Variants in AGFG1 observed in about 807,000 individuals in gnomAD.
AGFG1 encodes the protein arf-GAP domain and FG repeat-containing protein 1.
Under a neutral mutation model 60.6 loss-of-function variants are expected in AGFG1, and 10 were observed. The observed-to-expected ratio is 0.16, with a 90% CI of 0.10 to 0.28. AGFG1 has a LOEUF of 0.28. Ranked by LOEUF, AGFG1 falls within the 10% of genes least tolerant of loss-of-function variation. AGFG1 has a pLI of 1.00. For synonymous variants in AGFG1, 247 were observed against 242.9 expected (o/e 1.02, Z -0.16); for missense variants, 537 against 676.5 (o/e 0.79, Z 2.29).
intron 2 of AGFG1, among the ~76,000 whole-genome samples, chr2:227,510,534 AGGGGTG>A (rs1691465235): frequency 1.4e-5 from 2 of 146,692 alleles, no homozygotes; most frequent in African/African-American, 5.5e-5. Flanking sequence ...GTCTTGGTGG[AGGGGTG>A]AGTTGAGAGG....
At chr2:227,514,386 G>T (rs1691591407) in intron 2 of AGFG1, among the ~76,000 whole-genome samples, 1 of 151,804 alleles carries the variant, frequency 6.6e-6, no homozygotes, top group Non-Finnish European at 1.5e-5. Flanking sequence ...TTATTTTTTT[G>T]TGTGTGTTCT....
At position 227,472,428 on chromosome 2, in the gene AGFG1, GC is replaced by G; in HGVS notation, c.9del (p.Ser4AlafsTer11). On this transcript the variant is annotated frameshift_variant, in exon 1 of 13. Coordinates refer to ENST00000310078, the MANE Select transcript of AGFG1 (RefSeq NM_004504.5). LOFTEE classifies it high-confidence loss of function. MAASAKRKQEEKH... is the reference protein window; with the variant it reads MAXSAKRKQEEKH... ...CTCCCTTGGCGCCGCGGCCATGGCG[GC>G]CAGCGCGAAGCGGAAGCAGGAGGAG... The G allele has an allele frequency of 6.6e-7, 1 of 1,514,432 alleles. No homozygotes were observed. Among genetic ancestry groups the G allele is most frequent in the Non-Finnish European group, 8.9e-7 (1 of 1,129,722 alleles). 93.8% of individuals were successfully genotyped at this position (1,514,432 alleles called of 1,614,324 possible). A position where few individuals can be genotyped will look rare whatever the true frequency, so the allele number is the denominator to read the frequency against.
At chr2:227,537,743 A>C (rs1365396997) in intron 10 of AGFG1, among the ~76,000 whole-genome samples, 1 of 152,164 alleles carries the variant, frequency 6.6e-6, no homozygotes, top group Non-Finnish European at 1.5e-5. Context: ...TAGAGTTTGT[A>C]TGCTTTGTTT....
chr2:227,534,858 A>G lies in AGFG1; in HGVS notation c.1038A>G (p.Gly346=). 6.2e-7 allele frequency: 1 copy of G among 1,613,534 alleles called. No individual in the cohort carries two copies. The highest frequency in any genetic ancestry group is 1.3e-5 in the African/African-American group (1 of 75,000). ...GTTCGTTCCCAGGTGGTGATCAGGGAAGTGGCTTTGGGACCACAGGTAAAG... is the reference window on the plus strand; with the variant it reads ...GTTCGTTCCCAGGTGGTGATCAGGGGAGTGGCTTTGGGACCACAGGTAAAG... ...IFSAGQGGDQ[G]SGFGTTGKAP... is the part of the protein sequence containing the mutation. Residue 346 remains glycine (G), a synonymous_variant, in exon 8 of 13, where the codon GGA becomes GGG. Coordinates refer to ENST00000310078, the MANE Select transcript of AGFG1 (RefSeq NM_004504.5).
intron 2 of AGFG1, among the ~76,000 whole-genome samples, chr2:227,500,113 A>G (rs1187565355): frequency 2.6e-5 from 4 of 152,130 alleles, no homozygotes; most frequent in Admixed American, 1.3e-4. Context: ...TAAGAAGAAA[A>G]CAAACAGGCC....
chr2:227,476,509 A>G (rs969471505), intron 1 of AGFG1, among the ~76,000 whole-genome samples: 1 of 152,224 alleles, frequency 6.6e-6, no homozygotes, highest in Non-Finnish European at 1.5e-5. Context: ...TTTGAGAAAG[A>G]GGTTGCCACT....
intron 2 of AGFG1, among the ~76,000 whole-genome samples, chr2:227,494,543 G>A (rs1690919697): frequency 6.6e-6 from 1 of 152,308 alleles, no homozygotes; most frequent in South Asian, 2.1e-4. Flanking sequence ...ATCCCCACCA[G>A]GGAGTTTTAG....
At chr2:227,551,080 C>T (rs2106243548) in intron 10 of AGFG1, among the ~76,000 whole-genome samples, 1 of 152,260 alleles carries the variant, frequency 6.6e-6, no homozygotes, top group Non-Finnish European at 1.5e-5. Context: ...CAGTTGTTCA[C>T]ACACATTTCT....
intron 10 of AGFG1, among the ~76,000 whole-genome samples, chr2:227,539,451 C>A (rs13424689): frequency 0.6 from 78,208 of 130,520 alleles, 23,847 homozygotes; most frequent in South Asian, 0.7. Context: ...TCAAAAAAAA[C>A]AAAAAACACA....
intron 6 of AGFG1, among the ~76,000 whole-genome samples, chr2:227,533,185 T>G (rs1692213768): frequency 6.6e-6 from 1 of 152,194 alleles, no homozygotes; most frequent in Non-Finnish European, 1.5e-5. Flanking sequence ...AGTAAGATAC[T>G]TTGCATCTTG....
intron 1 of AGFG1, among the ~76,000 whole-genome samples, chr2:227,473,978 C>T (rs1486440426): frequency 6.6e-6 from 1 of 152,116 alleles, no homozygotes; most frequent in African/African-American, 2.4e-5. Context: ...AGAAAAATGT[C>T]TTGGGCAAGT....
At chr2:227,494,988 G>C (rs1293525310) in intron 2 of AGFG1, among the ~76,000 whole-genome samples, 2 of 152,268 alleles carry the variant, frequency 1.3e-5, no homozygotes, top group East Asian at 1.9e-4. Flanking sequence ...CATACTTACA[G>C]AGTAGATCAT....
At chr2:227,497,317 T>C (rs1474596023) in intron 2 of AGFG1, among the ~76,000 whole-genome samples, 1 of 152,214 alleles carries the variant, frequency 6.6e-6, no homozygotes, top group Non-Finnish European at 1.5e-5. Flanking sequence ...AATCTTTTTA[T>C]GACCTGACTT....
chr2:227,530,798 C>A (rs1451528152), intron 5 of AGFG1, among the ~76,000 whole-genome samples: 2 of 151,972 alleles, frequency 1.3e-5, no homozygotes. Flanking sequence ...AAATAGTTTC[C>A]TTTGTTAATA....
intron 10 of AGFG1, among the ~76,000 whole-genome samples, chr2:227,541,297 A>C (rs1283176857): frequency 6.6e-6 from 1 of 152,126 alleles, no homozygotes; most frequent in East Asian, 1.9e-4. Context: ...GGTATTGCCT[A>C]GGTATTCTTC....
chr2:227,502,584 G>C (rs1274909580), intron 2 of AGFG1, among the ~76,000 whole-genome samples: 2 of 152,066 alleles, frequency 1.3e-5, no homozygotes, highest in African/African-American at 4.8e-5. Context: ...GCCTCCCAAA[G>C]TGCTGGGATT....
intron 10 of AGFG1, among the ~76,000 whole-genome samples, chr2:227,537,789 T>A (rs1692356733): frequency 6.6e-6 from 1 of 152,190 alleles, no homozygotes; most frequent in Non-Finnish European, 1.5e-5. Flanking sequence ...AACTAAAGCC[T>A]AAACTCCAGT....
At chr2:227,474,415 G>T (rs892040666) in intron 1 of AGFG1, among the ~76,000 whole-genome samples, 3 of 152,108 alleles carry the variant, frequency 2.0e-5, no homozygotes, top group African/African-American at 7.2e-5. Context: ...TAATATCAAG[G>T]ACATATTTTC....
chr2:227,490,673 G>C (rs920449535), intron 1 of AGFG1, among the ~76,000 whole-genome samples: 3 of 152,108 alleles, frequency 2.0e-5, no homozygotes, highest in African/African-American at 7.2e-5. Context: ...TAGTTCTGTG[G>C]AACTTTGCGT....
Sources: allele counts gnomAD v4.1 joint callset (sites outside exome capture counted in the v4.1 genomes callset), GRCh38; gene constraint gnomAD v4.1.1; transcripts MANE v1.5; gene names NCBI Gene and HGNC (gene_info 2026-07-23, HGNC 2026-07-21).